The following NEDD4L variants were observed in gnomAD, a reference collection of about 807,000 sequenced individuals.
The protein encoded by NEDD4L is E3 ubiquitin-protein ligase NEDD4-like.
Under a neutral mutation model 148.9 loss-of-function variants are expected in NEDD4L, and 54 were observed. The ratio of observed to expected loss-of-function variants is 0.36; its 90% CI spans 0.29 to 0.45. The LOEUF (loss-of-function observed/expected upper bound fraction) is 0.45, where lower values mean the gene tolerates loss of function less well. Among genes scored for constraint, NEDD4L ranks in the 20% least tolerant of loss-of-function variants. The pLI, the probability that NEDD4L is intolerant of heterozygous loss-of-function variation, is 1.00. For missense variants in NEDD4L, 856 were observed against 1,233.8 expected (o/e 0.69, Z 4.59); for synonymous variants, 433 against 440.7 (o/e 0.98, Z 0.22).
intron 23 of NEDD4L, among the ~76,000 whole-genome samples, chr18:58,371,321 G>A (rs559729442): frequency 2.0e-5 from 3 of 150,258 alleles, no homozygotes; most frequent in African/African-American, 7.4e-5. Flanking sequence ...CCAAAGTGCT[G>A]GGATTACAGG....
At chr18:58,126,855 A>G (rs1480098293) in intron 1 of NEDD4L, among the ~76,000 whole-genome samples, 3 of 152,162 alleles carry the variant, frequency 2.0e-5, no homozygotes, top group Non-Finnish European at 4.4e-5. Context: ...CCCCCCAGGA[A>G]TGTCAGTTCC....
chr18:58,249,023 A>C (rs1426382626), intron 4 of NEDD4L, 86 bp downstream of exon 4: 2 of 663,234 alleles, frequency 3.0e-6, no homozygotes, highest in Non-Finnish European at 4.9e-6. Flanking sequence ...AAAAGCTCTT[A>C]AATTTTTAAT....
At chr18:58,093,720 T>A (rs1374257773) in intron 1 of NEDD4L, among the ~76,000 whole-genome samples, 1 of 152,158 alleles carries the variant, frequency 6.6e-6, no homozygotes, top group Non-Finnish European at 1.5e-5. Context: ...ATTGCACAAT[T>A]TACGCCAGAG....
intron 1 of NEDD4L, among the ~76,000 whole-genome samples, chr18:58,118,075 G>T (rs1465344325): frequency 6.6e-6 from 1 of 152,218 alleles, no homozygotes; most frequent in Non-Finnish European, 1.5e-5. Flanking sequence ...GACTTAACTA[G>T]CTCCCTTCCC....
At chr18:58,385,651 C>A in intron 26 of NEDD4L, 65 bp downstream of exon 26, 1 of 1,326,752 alleles carries the variant, frequency 7.5e-7, no homozygotes, top group Non-Finnish European at 1.1e-6. Context: ...GGGGATCGCG[C>A]TTCTCCTTTA....
intron 5 of NEDD4L, among the ~76,000 whole-genome samples, chr18:58,254,577 G>GCC (rs1332265707): frequency 1.7e-5 from 2 of 115,512 alleles, no homozygotes; most frequent in African/African-American, 6.1e-5. Context: ...AAAAAAAAAA[G>GCC]CCCACATGCA....
chr18:58,081,526 C>G (rs1344154111), intron 1 of NEDD4L, among the ~76,000 whole-genome samples: 1 of 152,070 alleles, frequency 6.6e-6, no homozygotes, highest in Non-Finnish European at 1.5e-5. Flanking sequence ...GAACACCACC[C>G]ATTTTTTAAA....
At chr18:58,383,350 T>G (rs1453027356) in intron 25 of NEDD4L, 31 bp downstream of exon 25, 2 of 1,185,468 alleles carry the variant, frequency 1.7e-6, no homozygotes, top group Admixed American at 2.1e-5. Context: ...TGCCTTTTCT[T>G]TGAATAATTG....
rs192538410 is a variant in NEDD4L at position 58,244,699 on chromosome 18, T to G, written c.123-728T>G. On this transcript the variant is annotated intron_variant, in intron 2 of 30. Transcript: ENST00000400345. ...TATGTTTTTGTTTTTGTCTTTTTTT[T>G]GGGGGGAGGGTGTTGAGACAGAGTC... Among the ~76,000 whole-genome samples the G allele has an allele frequency of 2.1e-3, 323 of 152,216 alleles. 2 individuals carry two copies. Among genetic ancestry groups the G allele is most frequent in the East Asian group, 5.6e-3 (29 of 5,184 alleles).
chr18:58,257,044 T>C (rs1303221600), intron 5 of NEDD4L, among the ~76,000 whole-genome samples: 2 of 152,200 alleles, frequency 1.3e-5, no homozygotes, highest in Admixed American at 6.5e-5. Context: ...TCCCCCTGCT[T>C]TTATTTTTCT....
At chr18:58,352,537 C>T in intron 18 of NEDD4L, among the ~76,000 whole-genome samples, 1 of 152,018 alleles carries the variant, frequency 6.6e-6, no homozygotes, top group South Asian at 2.1e-4. Flanking sequence ...CGTGCACCTG[C>T]AATCCCAGCT....
At chr18:58,316,912 A>G (rs2058331571) in intron 6 of NEDD4L, among the ~76,000 whole-genome samples, 1 of 137,912 alleles carries the variant, frequency 7.3e-6, no homozygotes, top group East Asian at 2.1e-4. Flanking sequence ...GCTTTGTGTG[A>G]GCAAATAGCA....
At chr18:58,300,352 G>A (rs562681300) in intron 5 of NEDD4L, among the ~76,000 whole-genome samples, 2 of 152,182 alleles carry the variant, frequency 1.3e-5, no homozygotes, top group Non-Finnish European at 2.9e-5. Context: ...TGGAAGTTTT[G>A]CAGCACTTTG....
intron 5 of NEDD4L, among the ~76,000 whole-genome samples, chr18:58,295,371 G>A (rs745744290): frequency 6.6e-6 from 1 of 152,176 alleles, no homozygotes; most frequent in Non-Finnish European, 1.5e-5. Context: ...AATGCAGTGT[G>A]TAGCCTTTTC....
chr18:58,292,387 C>T (rs2054890427), intron 5 of NEDD4L, among the ~76,000 whole-genome samples: 1 of 152,134 alleles, frequency 6.6e-6, no homozygotes, highest in African/African-American at 2.4e-5. Context: ...TTTCTACTCT[C>T]TGGGGCTTTC....
At chr18:58,213,772 C>T (rs1236251301) in intron 2 of NEDD4L, among the ~76,000 whole-genome samples, 1 of 151,308 alleles carries the variant, frequency 6.6e-6, no homozygotes, top group East Asian at 1.9e-4. Flanking sequence ...TTTTTTAATT[C>T]TAGTCTGTTC....
At chr18:58,067,315 T>TA (rs1414327070) in intron 1 of NEDD4L, among the ~76,000 whole-genome samples, 1 of 152,218 alleles carries the variant, frequency 6.6e-6, no homozygotes, top group African/African-American at 2.4e-5. Flanking sequence ...TGTACATACA[T>TA]ATATCTAGTA....
chr18:58,123,045 T>A (rs1261944074), intron 1 of NEDD4L, among the ~76,000 whole-genome samples: 1 of 152,206 alleles, frequency 6.6e-6, no homozygotes, highest in Admixed American at 6.5e-5. Flanking sequence ...ACTGACTGTT[T>A]ATATCTGTTA....
chr18:58,332,802 C>A (rs965502229), intron 11 of NEDD4L, among the ~76,000 whole-genome samples: 1 of 152,172 alleles, frequency 6.6e-6, no homozygotes, highest in Non-Finnish European at 1.5e-5. Flanking sequence ...GATAAGGAGA[C>A]TCTGGCTTCT....
Sources: allele counts gnomAD v4.1 joint callset (sites outside exome capture counted in the v4.1 genomes callset), GRCh38; gene constraint gnomAD v4.1.1; transcripts MANE v1.5; gene names NCBI Gene and HGNC (gene_info 2026-07-23, HGNC 2026-07-21).